PCLO: variants seen among roughly 807,000 people sequenced by gnomAD.
PCLO encodes protein piccolo.
PCLO carries 82 observed loss-of-function variants against 427.5 expected under a neutral mutation model. The ratio of observed to expected loss-of-function variants is 0.19; its 90% CI spans 0.16 to 0.23. The LOEUF is 0.23. PCLO is among the 10% of genes least tolerant of loss of function. The pLI is 1.00. For synonymous variants in PCLO, 2,357 were observed against 2,155.4 expected, an observed-to-expected ratio of 1.09 and a Z score of -2.59; for missense variants, 6,239 against 6,115.9, an observed-to-expected ratio of 1.02 and a Z score of -0.67.
chr7:83,048,000 T>C (rs1383090004), intron 3 of PCLO, among the ~76,000 whole-genome samples: 2 of 152,050 alleles, frequency 1.3e-5, no homozygotes, highest in African/African-American at 4.8e-5. Flanking sequence ...AAGGTCCAAA[T>C]TTTGTTTCAG....
chr7:83,008,257 C>T (rs1787996611), intron 3 of PCLO, among the ~76,000 whole-genome samples: 1 of 151,618 alleles, frequency 6.6e-6, no homozygotes, highest in East Asian at 1.9e-4. Flanking sequence ...ATTTAAGAGC[C>T]TAAATATCTT....
rs369119818 is a variant in PCLO at position 82,993,342 on chromosome 7, C to T, written c.3301-26855G>A. 1.2e-4 allele frequency among the ~76,000 whole-genome samples: 18 copies of T among 151,996 alleles called. No individual in the cohort carries two copies. In the East Asian group the frequency reaches 2.9e-3, roughly 25 times the overall value. On this transcript the variant is annotated intron_variant, in intron 3 of 24. Coordinates refer to ENST00000333891, the MANE Select transcript of PCLO (RefSeq NM_033026.6). ...ATTTTTAATTACAGGATCTTCATTG[C>T]TATGAATCTGCAACACAAGGAACTA...
At chr7:82,814,810 C>T (rs1791642931) in intron 20 of PCLO, among the ~76,000 whole-genome samples, 2 of 151,802 alleles carry the variant, frequency 1.3e-5, no homozygotes, top group African/African-American at 4.8e-5. Flanking sequence ...AATATTTTGA[C>T]CTTGCAGATC....
intron 7 of PCLO, among the ~76,000 whole-genome samples, chr7:82,913,378 G>A (rs534551922): frequency 6.6e-6 from 1 of 152,114 alleles, no homozygotes; most frequent in African/African-American, 2.4e-5. Flanking sequence ...ACAAAAATGT[G>A]TATTTTCCTG....
At position 82,915,537 on chromosome 7, in the gene PCLO, T is replaced by C; in HGVS notation, c.12449A>G (p.His4150Arg). The change falls in exon 7 of 25, where the codon CAT becomes CGT. Residue 4150 changes from histidine to arginine, a missense_variant. His to Arg is a conservative substitution (Grantham distance 29). This residue lies in a region of PCLO where 680 missense variants were observed against 677.3 expected (regional missense o/e 1.00). Transcript: ENST00000333891. The part of the protein sequence containing the change: ...DHLAGLSHYY[H>R]ADTSYRHFPK... The stretch of plus-strand genomic sequence containing the variant: ...AAAATGTCTGTAGCTAGTATCAGCA[T>C]GGTAATAATGAGAAAGACCAGCAAG... 6.2e-7 allele frequency: 1 copy of C among 1,613,718 alleles called. No homozygotes were observed. The highest frequency in any genetic ancestry group is 8.5e-7 in the Non-Finnish European group (1 of 1,179,708).
chr7:82,951,534 G>T, intron 5 of PCLO, 44 bp from the exon 6 acceptor site: 1 of 1,323,260 alleles, frequency 7.6e-7, no homozygotes, highest in South Asian at 1.4e-5. Flanking sequence ...CAGAATGAAT[G>T]ATGCTTTTTG....
intron 3 of PCLO, among the ~76,000 whole-genome samples, chr7:82,983,491 G>A (rs1477315819): frequency 4.7e-5 from 7 of 150,210 alleles, no homozygotes; most frequent in South Asian, 2.1e-4. Context: ...TAGAAATTTG[G>A]GAAAAGGAAT....
intron 3 of PCLO, among the ~76,000 whole-genome samples, chr7:83,023,541 T>C (rs1055400382): frequency 2.6e-5 from 4 of 152,182 alleles, no homozygotes; most frequent in East Asian, 1.9e-4. Context: ...TGAACACTGA[T>C]AGTTACATAA....
chr7:83,004,616 A>T (rs749098785), intron 3 of PCLO, among the ~76,000 whole-genome samples: 1 of 135,098 alleles, frequency 7.4e-6, no homozygotes, highest in South Asian at 2.6e-4. Context: ...TTTGGCAATG[A>T]TTTTTTAGAT....
At chr7:83,098,607 C>A (rs1183470343) in intron 3 of PCLO, among the ~76,000 whole-genome samples, 5 of 151,106 alleles carry the variant, frequency 3.3e-5, no homozygotes, top group African/African-American at 1.2e-4. Flanking sequence ...ATTAAATAGT[C>A]CCAAACTATT....
At chr7:83,079,745 A>G (rs1387729029) in intron 3 of PCLO, among the ~76,000 whole-genome samples, 5 of 152,096 alleles carry the variant, frequency 3.3e-5, no homozygotes, top group African/African-American at 1.2e-4. Flanking sequence ...TCTGGGGTAC[A>G]TGTACAGAAT....
chr7:83,105,606 C>A (rs571814669), intron 3 of PCLO, among the ~76,000 whole-genome samples: 1 of 152,256 alleles, frequency 6.6e-6, no homozygotes, highest in Admixed American at 6.5e-5. Context: ...TGGAGGGACA[C>A]TATGTGTATT....
chr7:82,940,718 A>G (rs944068692), intron 6 of PCLO, among the ~76,000 whole-genome samples: 4 of 147,518 alleles, frequency 2.7e-5, no homozygotes, highest in Admixed American at 1.4e-4. Context: ...ATACTGAGAC[A>G]TCAGTTCTAT....
At chr7:82,843,425 T>A (rs1404842357) in intron 13 of PCLO, among the ~76,000 whole-genome samples, 2 of 152,068 alleles carry the variant, frequency 1.3e-5, no homozygotes, top group Non-Finnish European at 2.9e-5. Context: ...GGAATGATGG[T>A]CAAAGGGTAC....
chr7:83,112,837 T>C (rs1236915510), intron 3 of PCLO, among the ~76,000 whole-genome samples: 4 of 152,214 alleles, frequency 2.6e-5, no homozygotes, highest in Non-Finnish European at 1.5e-5. Context: ...GTTTTCATTT[T>C]AGCCAAGGAC....
At chr7:83,016,524 A>AAAGG (rs1788211722) in intron 3 of PCLO, among the ~76,000 whole-genome samples, 1 of 152,078 alleles carries the variant, frequency 6.6e-6, no homozygotes, top group African/African-American at 2.4e-5. Context: ...CCTTGGCTTC[A>AAAGG]AAGGAAGGTT....
chr7:82,892,867 C>G (rs1793804611), intron 9 of PCLO, among the ~76,000 whole-genome samples: 1 of 151,938 alleles, frequency 6.6e-6, no homozygotes, highest in Admixed American at 6.6e-5. Flanking sequence ...ATCAAAACCA[C>G]AATGAGATAC....
At chr7:82,880,167 A>T (rs1793470228) in intron 9 of PCLO, among the ~76,000 whole-genome samples, 2 of 152,130 alleles carry the variant, frequency 1.3e-5, no homozygotes, top group Non-Finnish European at 2.9e-5. Context: ...GTTTTTTAAA[A>T]AATAGCTAAA....
intron 3 of PCLO, among the ~76,000 whole-genome samples, chr7:83,107,806 T>C (rs954355841): frequency 7.2e-4 from 109 of 151,206 alleles, no homozygotes; most frequent in East Asian, 9.8e-4. Flanking sequence ...CTGGCCAACA[T>C]GGTGAAACCC....
Sources: allele counts gnomAD v4.1 joint callset (sites outside exome capture counted in the v4.1 genomes callset), GRCh38; gene constraint gnomAD v4.1.1; regional missense constraint gnomAD v4.1.1; transcripts MANE v1.5; gene names NCBI Gene and HGNC (gene_info 2026-07-23, HGNC 2026-07-21).